TRERF1: variants seen among roughly 807,000 people sequenced by gnomAD.
The protein encoded by TRERF1 is transcriptional-regulating factor 1.
Under a neutral mutation model 122.9 loss-of-function variants are expected in TRERF1, and 27 were observed. That is an observed-to-expected ratio of 0.22 (90% confidence interval 0.16 to 0.30). The LOEUF (loss-of-function observed/expected upper bound fraction) is 0.30. Ranked by LOEUF, TRERF1 falls within the 10% of genes least tolerant of loss-of-function variation. The probability of loss-of-function intolerance (pLI) is 1.00; values close to 1 mark genes in which losing one functional copy is unlikely to be tolerated. For missense variants in TRERF1, 1,248 were observed against 1,560.3 expected, an observed-to-expected ratio of 0.80 and a Z score of 3.37; for synonymous variants, 636 against 641.7, an observed-to-expected ratio of 0.99 and a Z score of 0.13.
chr6:42,401,012 T>C (rs1779300793), intron 2 of TRERF1, among the ~76,000 whole-genome samples: 1 of 152,170 alleles, frequency 6.6e-6, no homozygotes, highest in Non-Finnish European at 1.5e-5. Flanking sequence ...GGGTGTGAAC[T>C]AAACTGCAGG....
chr6:42,316,007 A>G (rs988530417), intron 3 of TRERF1, among the ~76,000 whole-genome samples: 25 of 152,108 alleles, frequency 1.6e-4, no homozygotes, highest in African/African-American at 5.8e-4. Context: ...ATGATCTCAG[A>G]TTTGGTTCTT....
chr6:42,307,670 A>T lies in TRERF1; in HGVS notation c.-370-6921T>A, dbSNP rs558766279. Among the ~76,000 whole-genome samples, 313 of 148,362 alleles carry T rather than the reference A, an allele frequency of 2.1e-3. 1 individual carries two copies. The highest frequency in any genetic ancestry group is 8.0e-3 in the African/African-American group (310 of 38,730). Reference sequence around the variant, plus strand: ...CTTTCTACTCAGTTGTGCTTACTAAAGGGGAGAGGTAAATGTATGAAAAAA... The same window carrying T: ...CTTTCTACTCAGTTGTGCTTACTAATGGGGAGAGGTAAATGTATGAAAAAA... On this transcript the variant is annotated intron_variant, in intron 3 of 17. Transcript: ENST00000372922.
chr6:42,439,449 TG>T (rs1786085076), intron 2 of TRERF1, among the ~76,000 whole-genome samples: 1 of 152,134 alleles, frequency 6.6e-6, no homozygotes, highest in Non-Finnish European at 1.5e-5. Flanking sequence ...CTGGGCACAG[TG>T]GCGGGCACCT....
intron 2 of TRERF1, among the ~76,000 whole-genome samples, chr6:42,379,086 C>A (rs1458135301): frequency 6.6e-6 from 1 of 152,156 alleles, no homozygotes; most frequent in East Asian, 1.9e-4. Flanking sequence ...CACCACTGCA[C>A]TCCAGCCTGG....
chr6:42,395,914 G>A (rs1159537846), intron 2 of TRERF1, among the ~76,000 whole-genome samples: 1 of 152,074 alleles, frequency 6.6e-6, no homozygotes, highest in African/African-American at 2.4e-5. Flanking sequence ...CACGCTCACT[G>A]AGACCTGTGG....
intron 3 of TRERF1, among the ~76,000 whole-genome samples, chr6:42,309,911 G>C (rs1198947582): frequency 6.7e-6 from 1 of 149,118 alleles, no homozygotes; most frequent in Admixed American, 6.7e-5. Flanking sequence ...CTCAACCTGG[G>C]ACTACAAACA....
intron 2 of TRERF1, among the ~76,000 whole-genome samples, chr6:42,374,137 TAAAA>T (rs373255205): frequency 7.8e-6 from 1 of 127,398 alleles, no homozygotes; most frequent in East Asian, 2.2e-4. Flanking sequence ...GTCTTTTTTT[TAAAA>T]AAAAAAAAAA....
chr6:42,319,758 G>C (rs1279229554), intron 3 of TRERF1, among the ~76,000 whole-genome samples: 1 of 148,842 alleles, frequency 6.7e-6, no homozygotes, highest in Non-Finnish European at 1.5e-5. Context: ...GGGAGGTCAA[G>C]GCCATGATTG....
intron 3 of TRERF1, among the ~76,000 whole-genome samples, chr6:42,335,863 T>C (rs2150632931): frequency 6.6e-6 from 1 of 152,336 alleles, no homozygotes; most frequent in South Asian, 2.1e-4. Flanking sequence ...TGACATTATT[T>C]ACTTGCCTGT....
intron 13 of TRERF1, 22 bp from the exon 14 acceptor site, chr6:42,246,566 A>C: frequency 1.3e-6 from 2 of 1,561,328 alleles, no homozygotes; most frequent in South Asian, 1.2e-5. Context: ...CACAAACATC[A>C]TAAGAACAGC....
In TRERF1 at chr6:42,259,187, C is replaced by A; in HGVS notation, c.2269+152G>T. 1 of 1,059,874 alleles carries A rather than the reference C, an allele frequency of 9.4e-7. No homozygotes were observed. Among genetic ancestry groups the A allele is most frequent in the Non-Finnish European group, 1.3e-6 (1 of 779,042 alleles). The allele number at this position is 1,059,874 out of a possible 1,614,324, so 65.7% of individuals were successfully genotyped here. On this transcript the variant is annotated intron_variant, in intron 9 of 17. Transcript: ENST00000372922. This position sits in a 1 kb window ranked among gnomAD's most constrained non-coding sequence, Gnocchi z 4.9. The stretch of plus-strand genomic sequence containing the variant: ...CCCTTGAGGATAAGGGCTATGTATT[C>A]CAAGTCTTTCTTAACACCCAGCAGC...
At chr6:42,422,840 A>G (rs1582140059) in intron 2 of TRERF1, among the ~76,000 whole-genome samples, 1 of 150,064 alleles carries the variant, frequency 6.7e-6, no homozygotes, top group South Asian at 2.1e-4. Context: ...GCCTGGCGTG[A>G]GCATCTTTTT....
At chr6:42,239,730 C>T (rs1425791948) in intron 15 of TRERF1, among the ~76,000 whole-genome samples, 1 of 152,142 alleles carries the variant, frequency 6.6e-6, no homozygotes, top group South Asian at 2.1e-4. Context: ...CCCAGGCGCA[C>T]CCTCCCCAGG....
At chr6:42,301,391 G>A (rs1238336535) in intron 3 of TRERF1, among the ~76,000 whole-genome samples, 1 of 152,052 alleles carries the variant, frequency 6.6e-6, no homozygotes. Flanking sequence ...CACCACACCT[G>A]GCTAATTTTT....
intron 2 of TRERF1, among the ~76,000 whole-genome samples, chr6:42,383,391 G>A (rs1776280624): frequency 6.6e-6 from 1 of 152,014 alleles, no homozygotes; most frequent in East Asian, 1.9e-4. Flanking sequence ...CTGCCTAAAT[G>A]CAAACACTCC....
rs149300895 is a variant in TRERF1, at chr6:42,423,630, A to T, written c.-454+27547T>A. ...TATCTGCATTTGTAGTGATCAAAAA[A>T]TACATTCGTGGTAATAAGAAAAAAA... On this transcript the variant is annotated intron_variant, in intron 2 of 17. Coordinates refer to ENST00000372922, the Ensembl canonical transcript of TRERF1. Among the ~76,000 whole-genome samples, 463 of 152,368 alleles carry T rather than the reference A, an allele frequency of 3.0e-3. 3 individuals are homozygous for T. Among genetic ancestry groups the T allele is most frequent in the African/African-American group, 0.01 (434 of 41,590 alleles).
chr6:42,425,529 A>ATTTTT (rs150820164), intron 2 of TRERF1, among the ~76,000 whole-genome samples: 6 of 44,082 alleles, frequency 1.4e-4, no homozygotes, highest in African/African-American at 4.8e-4. Flanking sequence ...CCCCCTGGGC[A>ATTTTT]TTTTTTTTTT....
intron 3 of TRERF1, among the ~76,000 whole-genome samples, chr6:42,302,583 C>G (rs748586954): frequency 6.6e-6 from 1 of 152,184 alleles, no homozygotes; most frequent in Non-Finnish European, 1.5e-5. Context: ...TAGCGATAAG[C>G]ACATCACAAA....
At chr6:42,332,813 C>T (rs923195078) in intron 3 of TRERF1, among the ~76,000 whole-genome samples, 7 of 152,304 alleles carry the variant, frequency 4.6e-5, no homozygotes, top group Admixed American at 2.6e-4. Flanking sequence ...ATCAAGGTGA[C>T]GAAGGGCCAA....
Sources: allele counts gnomAD v4.1 joint callset (sites outside exome capture counted in the v4.1 genomes callset), GRCh38; gene constraint gnomAD v4.1.1; non-coding constraint Gnocchi (gnomAD v3.1); transcripts MANE v1.5; gene names NCBI Gene and HGNC (gene_info 2026-07-23, HGNC 2026-07-21).